The following PCDH15 variants were observed in gnomAD, a reference collection of about 807,000 sequenced individuals.
PCDH15 encodes the protein protocadherin related 15, also known as protocadherin-15.
Under a neutral mutation model 178.5 loss-of-function variants are expected in PCDH15, and 129 were observed. That is an observed-to-expected ratio of 0.72 (90% CI 0.63 to 0.84). The LOEUF (loss-of-function observed/expected upper bound fraction) is 0.84. Among genes scored for constraint, PCDH15 ranks in the 40% least tolerant of loss-of-function variants. The probability of loss-of-function intolerance (pLI) is 0.00; values close to 1 mark genes in which losing one functional copy is unlikely to be tolerated. For synonymous variants in PCDH15, 800 were observed against 732.0 expected, an observed-to-expected ratio of 1.09 and a Z score of -1.50; for missense variants, 2,230 against 2,099.9, an observed-to-expected ratio of 1.06 and a Z score of -1.21.
intron 1 of PCDH15, among the ~76,000 whole-genome samples, chr10:54,708,601 G>A (rs190892290): frequency 1.3e-5 from 2 of 152,124 alleles, no homozygotes; most frequent in African/African-American, 4.8e-5. Flanking sequence ...GTTTCTCTTT[G>A]TTTTCTCTCT....
Position 54,185,183 on chromosome 10 carries a change from G to T in PCDH15, c.1391C>A (p.Thr464Asn), listed in dbSNP as rs768256726. The change falls in exon 12 of 38, where the codon ACC becomes AAC. Residue 464 changes from threonine (T) to asparagine (N), a missense_variant. Physicochemically the swap from Thr to Asn is moderately conservative, Grantham distance 65 (BLOSUM62 0). Coordinates refer to ENST00000644397, the MANE Select transcript of PCDH15 (RefSeq NM_001384140.1). ...TTCCCTGTCCACTGGTTGAAGTAAG[G>T]TGAGGTAGCGAGTAATACCAGTCTG... Reference protein sequence around the residue: ...VTQTGITRYLTLLQPVDREEQ... With the variant: ...VTQTGITRYLNLLQPVDREEQ... 2 of 1,613,648 alleles carry T rather than the reference G, an allele frequency of 1.2e-6. No homozygotes were observed. The highest frequency in any genetic ancestry group is 1.1e-5 in the South Asian group (1 of 91,082).
intron 13 of PCDH15, among the ~76,000 whole-genome samples, chr10:54,169,730 C>A (rs1421321173): frequency 6.6e-6 from 1 of 151,884 alleles, no homozygotes; most frequent in South Asian, 2.1e-4. Flanking sequence ...ACCCTTACCC[C>A]ACTCAACGCC....
At chr10:54,356,410 C>A (rs1479524600) in intron 5 of PCDH15, among the ~76,000 whole-genome samples, 2 of 151,734 alleles carry the variant, frequency 1.3e-5, no homozygotes, top group Non-Finnish European at 2.9e-5. Flanking sequence ...AGGAAATACA[C>A]AATAAAGTAG....
At chr10:55,139,984 T>C (rs577126990) in intron 2 of PCDH15, among the ~76,000 whole-genome samples, 1 of 151,966 alleles carries the variant, frequency 6.6e-6, no homozygotes, top group Non-Finnish European at 1.5e-5. Context: ...ATCCTGTATA[T>C]GTTTTGCTAG....
chr10:55,390,419 T>C (rs1238512953), intron 2 of PCDH15, among the ~76,000 whole-genome samples: 1 of 152,186 alleles, frequency 6.6e-6, no homozygotes, highest in Non-Finnish European at 1.5e-5. Flanking sequence ...TAATTGAGTA[T>C]TCCTTTCACA....
chr10:53,905,811 T>G (rs1274761176), intron 25 of PCDH15, among the ~76,000 whole-genome samples: 1 of 152,092 alleles, frequency 6.6e-6, no homozygotes, highest in East Asian at 1.9e-4. Context: ...ACCCAAAATA[T>G]GATTATATAA....
At chr10:53,871,440 A>G (rs182115303) in intron 26 of PCDH15, among the ~76,000 whole-genome samples, 11 of 137,470 alleles carry the variant, frequency 8.0e-5, no homozygotes, top group African/African-American at 3.0e-4. Flanking sequence ...AAAATTTTAT[A>G]TATATTCATA....
chr10:55,409,726 A>C (rs1838287470), intron 2 of PCDH15, among the ~76,000 whole-genome samples: 1 of 152,194 alleles, frequency 6.6e-6, no homozygotes, highest in African/African-American at 2.4e-5. Context: ...AAACATACAC[A>C]GCTCTGTGTA....
At chr10:54,584,350 T>A (rs2133837546) in intron 2 of PCDH15, among the ~76,000 whole-genome samples, 1 of 152,244 alleles carries the variant, frequency 6.6e-6, no homozygotes, top group East Asian at 1.9e-4. Flanking sequence ...TGCAGTGAGC[T>A]ATAATCATGC....
intron 28 of PCDH15, among the ~76,000 whole-genome samples, chr10:53,853,775 TAA>T (rs898475321): frequency 6.6e-6 from 1 of 151,400 alleles, no homozygotes; most frequent in Non-Finnish European, 1.5e-5. Context: ...AACCAGAAAA[TAA>T]AAAGTGTTGA....
intron 2 of PCDH15, among the ~76,000 whole-genome samples, chr10:55,486,633 T>A (rs188497758): frequency 8.1e-4 from 123 of 151,684 alleles, no homozygotes; most frequent in Non-Finnish European, 1.4e-3. Flanking sequence ...TGAAACTCCC[T>A]AGGCTTGTAT....
chr10:54,838,709 C>T (rs960875718), intron 3 of PCDH15, among the ~76,000 whole-genome samples: 5 of 152,082 alleles, frequency 3.3e-5, no homozygotes, highest in African/African-American at 1.2e-4. Flanking sequence ...TACATCTTCC[C>T]ACCCTCTAGG....
rs569943769 is a variant in PCDH15, at chr10:55,469,492, A to C, written c.-156+158133T>G. ...GCTGTTTCCCTTGCCAGTATGTTAG[A>C]ATTGTTTTCATTACAATCTGTAAGG... On this transcript the variant is annotated intron_variant, in intron 2 of 5. Coordinates refer to the PCDH15 transcript ENST00000613346. 1.3e-5 allele frequency among the ~76,000 whole-genome samples: 2 copies of C among 152,160 alleles called. 1 individual carries two copies. Among genetic ancestry groups the C allele is most frequent in the South Asian group, 4.1e-4 (2 of 4,822 alleles).
intron 10 of PCDH15, among the ~76,000 whole-genome samples, chr10:54,196,309 A>T (rs2049644125): frequency 1.3e-5 from 2 of 151,790 alleles, no homozygotes; most frequent in Non-Finnish European, 2.9e-5. Context: ...CGCATGGCTA[A>T]TGTTTTGTAT....
chr10:55,470,337 A>G (rs192176550), intron 2 of PCDH15, among the ~76,000 whole-genome samples: 5 of 151,820 alleles, frequency 3.3e-5, no homozygotes, highest in African/African-American at 9.7e-5. Context: ...CAGAGTGAGA[A>G]TCCCTCTCAA....
In PCDH15 at chr10:54,208,749, GTGTT is replaced by G. The variant is rs1202431366; in HGVS notation, c.1098+5183_1098+5186del. ...TGTGTGTGCGTGTGCGTGTGCATGT[GTGTT>G]TGTGTGTGTTTCATTCTTGCCATAA... On this transcript the variant is annotated intron_variant, in intron 10 of 37. Coordinates refer to ENST00000644397, the MANE Select transcript of PCDH15 (RefSeq NM_001384140.1). Among the ~76,000 whole-genome samples the G allele has an allele frequency of 3.3e-5, 5 of 152,156 alleles. No homozygotes were observed. In the East Asian group the frequency reaches 9.7e-4, roughly 29 times the overall value.
chr10:54,367,917 A>C (rs1430540581), intron 5 of PCDH15, among the ~76,000 whole-genome samples: 2 of 151,746 alleles, frequency 1.3e-5, no homozygotes, highest in Admixed American at 6.6e-5. Flanking sequence ...TAAAGTTAGC[A>C]CTCAACCGAA....
chr10:54,159,997 A>G (rs1416784354), intron 13 of PCDH15, among the ~76,000 whole-genome samples: 1 of 152,182 alleles, frequency 6.6e-6, no homozygotes, highest in Non-Finnish European at 1.5e-5. Context: ...TAAAGGAAGC[A>G]CTTTCATAGC....
chr10:54,395,143 C>T (rs1195384268), intron 3 of PCDH15, among the ~76,000 whole-genome samples: 3 of 152,018 alleles, frequency 2.0e-5, no homozygotes, highest in Admixed American at 1.3e-4. Context: ...TAAAGACAGG[C>T]ATAGGAAATC....
Sources: gnomAD v4.1 joint callset for allele counts (sites outside exome capture counted in the v4.1 genomes callset) on GRCh38, gnomAD v4.1.1 for gene constraint, MANE v1.5 for transcripts, NCBI Gene and HGNC (gene_info 2026-07-23, HGNC 2026-07-21) for gene names.